CYP3A7: variants seen among roughly 807,000 people sequenced by gnomAD.
CYP3A7 encodes the protein cytochrome P450 3A7.
Under a neutral mutation model 55.2 loss-of-function variants are expected in CYP3A7, and 45 were observed. That is an observed-to-expected ratio of 0.82 (90% CI 0.64 to 1.05). The LOEUF is 1.05. Among genes scored for constraint, CYP3A7 ranks in the 50% least tolerant of loss-of-function variants. The pLI is 0.00. For missense variants in CYP3A7, 548 were observed against 605.3 expected (o/e 0.91, Z 0.99); for synonymous variants, 180 against 207.4 (o/e 0.87, Z 1.13).
At chr7:99,710,099 T>C (rs528869957) in intron 10 of CYP3A7, among the ~76,000 whole-genome samples, 1 of 152,262 alleles carries the variant, frequency 6.6e-6, no homozygotes, top group East Asian at 1.9e-4. Context: ...CTCACCTCAC[T>C]GCCACACAAA....
At position 99,709,082 on chromosome 7, in the gene CYP3A7, A is replaced by G. The variant is rs780503972; in HGVS notation, c.1206T>C (p.His402=). 1.4e-5 allele frequency: 23 copies of G among 1,613,866 alleles called. No homozygotes were observed. In the South Asian group the frequency reaches 1.9e-4, roughly 13 times the overall value. ...GCTCTGTCCAGTACTTTGGGTCATG[A>G]TGAAGAACATAGCTTGGAATCATCA... ...VVVMIPSYVL[H]HDPKYWTEPE... Residue 402 remains histidine (H), a synonymous_variant, in exon 11 of 13, where the codon CAT becomes CAC. Transcript: ENST00000336374.
intron 12 of CYP3A7, among the ~76,000 whole-genome samples, chr7:99,706,106 T>C (rs1466860400): frequency 6.6e-6 from 1 of 152,192 alleles, no homozygotes; most frequent in East Asian, 1.9e-4. Context: ...GGAAGACACC[T>C]TCAGGAAGCA....
At chr7:99,707,676 A>C in intron 12 of CYP3A7, 136 bp downstream of exon 12, 1 of 1,409,788 alleles carries the variant, frequency 7.1e-7, no homozygotes, top group South Asian at 1.3e-5. Context: ...AAGATCATAG[A>C]TGGGTCCAAA....
At chr7:99,714,811 C>T in intron 7 of CYP3A7, 129 bp from the exon 8 acceptor site, 1 of 1,470,992 alleles carries the variant, frequency 6.8e-7, no homozygotes, top group Non-Finnish European at 9.1e-7. Context: ...GAAGCCATTC[C>T]TTCTATGACT....
intron 12 of CYP3A7, among the ~76,000 whole-genome samples, chr7:99,706,121 C>T (rs187623520): frequency 9.3e-4 from 141 of 152,232 alleles, no homozygotes; most frequent in Non-Finnish European, 1.6e-3. Context: ...GAAGCATTAT[C>T]GTTTTATTTT....
intron 2 of CYP3A7, among the ~76,000 whole-genome samples, chr7:99,727,297 C>G (rs1001559924): frequency 3.9e-5 from 6 of 152,206 alleles, no homozygotes; most frequent in African/African-American, 1.4e-4. Context: ...GCAGTGGCTG[C>G]CACCACCCTA....
At chr7:99,714,946 C>A (rs1287360206) in intron 7 of CYP3A7, among the ~76,000 whole-genome samples, 1 of 152,172 alleles carries the variant, frequency 6.6e-6, no homozygotes, top group African/African-American at 2.4e-5. Context: ...AAATTCAATG[C>A]CCTAATCTCT....
Position 99,732,551 on chromosome 7 carries a change from G to A in CYP3A7, c.72-1399C>T, listed in dbSNP as rs1266451630. On this transcript the variant is annotated intron_variant, in intron 1 of 12. Transcript: ENST00000336374. ...GCTGCTCCCTATAGCAGGCCTGCTTGCAACCCATCTTTGATGGGCCATGTA... is the reference window on the plus strand; with the variant it reads ...GCTGCTCCCTATAGCAGGCCTGCTTACAACCCATCTTTGATGGGCCATGTA... 2.0e-5 allele frequency among the ~76,000 whole-genome samples: 3 copies of A among 152,120 alleles called. No individual in the cohort carries two copies. The East Asian group carries it at 5.8e-4, about 29-fold the overall frequency.
At chr7:99,722,850 G>A (rs1814256717) in intron 2 of CYP3A7, among the ~76,000 whole-genome samples, 1 of 152,148 alleles carries the variant, frequency 6.6e-6, no homozygotes, top group Non-Finnish European at 1.5e-5. Flanking sequence ...TTTTAGCCTA[G>A]CAGATTTAGA....
At chr7:99,713,683 A>G in intron 8 of CYP3A7, 148 bp from the exon 9 acceptor site, 1 of 1,047,042 alleles carries the variant, frequency 9.6e-7, no homozygotes, top group Non-Finnish European at 1.4e-6. Flanking sequence ...ACCAGTGAAA[A>G]GGAATATCCA....
chr7:99,714,886 G>C (rs189169661), intron 7 of CYP3A7, among the ~76,000 whole-genome samples: 86 of 152,282 alleles, frequency 5.6e-4, no homozygotes, highest in Non-Finnish European at 1.5e-4. Flanking sequence ...CACCACTACA[G>C]CAGTGAGATC....
chr7:99,727,219 C>T (rs1332761188), intron 2 of CYP3A7, among the ~76,000 whole-genome samples: 1 of 152,172 alleles, frequency 6.6e-6, no homozygotes, highest in African/African-American at 2.4e-5. Flanking sequence ...GGACTGGGAC[C>T]GTGCTCTGTA....
intron 6 of CYP3A7, 66 bp from the exon 7 acceptor site, chr7:99,715,972 A>C: frequency 6.2e-7 from 1 of 1,611,416 alleles, no homozygotes. Context: ...CTATGCGTGC[A>C]GCAGGAAATC....
At chr7:99,706,976 G>T (rs1232837084) in intron 12 of CYP3A7, among the ~76,000 whole-genome samples, 1 of 152,180 alleles carries the variant, frequency 6.6e-6, no homozygotes, top group African/African-American at 2.4e-5. Flanking sequence ...ATGATTTAAT[G>T]GCAAATTATG....
intron 3 of CYP3A7, among the ~76,000 whole-genome samples, chr7:99,721,685 T>G (rs1372491580): frequency 6.6e-6 from 1 of 152,106 alleles, no homozygotes; most frequent in Non-Finnish European, 1.5e-5. Flanking sequence ...AGGACAAATC[T>G]CAAAAAGTTG....
At position 99,705,146 on chromosome 7, in the gene CYP3A7, C is replaced by A; in HGVS notation, c.*354G>T. The A allele has an allele frequency of 4.0e-6, 1 of 247,224 alleles. No individual in the cohort carries two copies. The allele number at this position is 247,224 out of a possible 1,614,324, so 15.3% of individuals were successfully genotyped here. On this transcript the variant is annotated 3_prime_UTR_variant, in exon 13 of 13. Transcript: ENST00000336374. ...CACTGTTAGAGCCATCAAAATAATT[C>A]CTATTTTTATTAATGATTGTGGTTG... is the stretch of plus-strand genomic sequence containing the variant.
intron 10 of CYP3A7, among the ~76,000 whole-genome samples, chr7:99,709,774 A>ATATGTGTG (rs1554428982): frequency 6.7e-6 from 1 of 150,170 alleles, no homozygotes; most frequent in Non-Finnish European, 1.5e-5. Context: ...TATTATATAT[A>ATATGTGTG]TGTGTGTGTG....
At chr7:99,718,498 T>C (rs1243836341) in intron 4 of CYP3A7, among the ~76,000 whole-genome samples, 7 of 152,186 alleles carry the variant, frequency 4.6e-5, no homozygotes, top group African/African-American at 1.4e-4. Context: ...AGTACTCTTT[T>C]ATGTTAAAAA....
At chr7:99,714,454 A>C (rs960170088) in intron 8 of CYP3A7, 101 bp downstream of exon 8, 1 of 1,545,364 alleles carries the variant, frequency 6.5e-7, no homozygotes, top group African/African-American at 1.4e-5. Context: ...TTATGTTAAA[A>C]TCTTTCTCTA....
Sources: allele counts gnomAD v4.1 joint callset (sites outside exome capture counted in the v4.1 genomes callset), GRCh38; gene constraint gnomAD v4.1.1; transcripts MANE v1.5; gene names NCBI Gene and HGNC (gene_info 2026-07-23, HGNC 2026-07-21).